Variants in ZFPM2 observed in about 807,000 individuals in gnomAD.
ZFPM2 encodes zinc finger protein ZFPM2.
In ZFPM2, 20 loss-of-function variants were observed where a neutral mutation model predicts 98.6. The observed-to-expected ratio is 0.20, with a 90% CI of 0.14 to 0.29. The LOEUF (loss-of-function observed/expected upper bound fraction) is 0.29. Among genes scored for constraint, ZFPM2 ranks in the 10% least tolerant of loss-of-function variants. ZFPM2 has a pLI of 1.00. For missense variants in ZFPM2, 1,310 were observed against 1,388.6 expected, an observed-to-expected ratio of 0.94 and a Z score of 0.90; for synonymous variants, 518 against 502.7, an observed-to-expected ratio of 1.03 and a Z score of -0.41.
At chr8:105,390,408 G>A (rs574671118) in intron 1 of ZFPM2, among the ~76,000 whole-genome samples, 1 of 152,326 alleles carries the variant, frequency 6.6e-6, no homozygotes, top group South Asian at 2.1e-4. Flanking sequence ...GCAAGGTCTA[G>A]CATGGTTTCG....
At chr8:105,582,113 T>C (rs1200359302) in intron 4 of ZFPM2, among the ~76,000 whole-genome samples, 1 of 152,226 alleles carries the variant, frequency 6.6e-6, no homozygotes, top group African/African-American at 2.4e-5. Context: ...ACTTTATCTT[T>C]CTACTACTTT....
At chr8:105,716,113 G>A (rs1811517547) in intron 5 of ZFPM2, among the ~76,000 whole-genome samples, 2 of 151,100 alleles carry the variant, frequency 1.3e-5, no homozygotes, top group South Asian at 2.1e-4. Flanking sequence ...TTATAGAAAA[G>A]AAAGTTTAGT....
intron 4 of ZFPM2, among the ~76,000 whole-genome samples, chr8:105,576,577 AAGAT>A (rs1038020884): frequency 2.6e-5 from 4 of 152,298 alleles, no homozygotes; most frequent in African/African-American, 9.6e-5. Flanking sequence ...AATACAAAGA[AAGAT>A]AGAAGAAAAG....
At chr8:105,448,771 A>G (rs573568074) in intron 3 of ZFPM2, among the ~76,000 whole-genome samples, 3 of 152,180 alleles carry the variant, frequency 2.0e-5, no homozygotes, top group East Asian at 1.9e-4. Flanking sequence ...TTTGAAAGAG[A>G]TGATATTTAC....
At chr8:105,528,291 T>C (rs1216048499) in intron 3 of ZFPM2, among the ~76,000 whole-genome samples, 1 of 152,132 alleles carries the variant, frequency 6.6e-6, no homozygotes, top group Non-Finnish European at 1.5e-5. Flanking sequence ...ACTTACAGGA[T>C]ATCATAATGT....
In ZFPM2 at chr8:105,369,136, A is replaced by G. The variant is rs147747509; in HGVS notation, c.41-50008A>G. Among the ~76,000 whole-genome samples, 306 of 152,292 alleles carry G rather than the reference A, an allele frequency of 2.0e-3. 1 individual carries two copies. Among genetic ancestry groups the G allele is most frequent in the South Asian group, 0.018 (88 of 4,828 alleles). On this transcript the variant is annotated intron_variant, in intron 1 of 7. Transcript: ENST00000407775. ...GTTATTTCTAGATAACTTTGCTCCT[A>G]CATTTAACTGGCTATGTTTTTCCAT...
At chr8:105,384,233 T>G (rs1251276332) in intron 1 of ZFPM2, among the ~76,000 whole-genome samples, 2 of 152,088 alleles carry the variant, frequency 1.3e-5, no homozygotes, top group Non-Finnish European at 2.9e-5. Flanking sequence ...TCTTGTCTTT[T>G]GAGTTGCACA....
intron 3 of ZFPM2, among the ~76,000 whole-genome samples, chr8:105,481,954 T>C (rs1187614751): frequency 2.6e-5 from 4 of 152,164 alleles, no homozygotes; most frequent in Non-Finnish European, 5.9e-5. Flanking sequence ...GAGTAAATGA[T>C]TTGGGCCTGA....
chr8:105,440,604 A>G (rs921867793), intron 2 of ZFPM2, among the ~76,000 whole-genome samples: 4 of 152,124 alleles, frequency 2.6e-5, no homozygotes, highest in Admixed American at 6.6e-5. Flanking sequence ...TAGGGAAACG[A>G]ACCAGGGATG....
At chr8:105,419,080 A>G in intron 1 of ZFPM2, 64 bp from the exon 2 acceptor site, 1 of 1,525,092 alleles carries the variant, frequency 6.6e-7, no homozygotes, top group Non-Finnish European at 8.9e-7. Context: ...GGCTCTATTT[A>G]AGGATTTTAT....
At chr8:105,668,064 T>C (rs1323592251) in intron 5 of ZFPM2, among the ~76,000 whole-genome samples, 3 of 152,112 alleles carry the variant, frequency 2.0e-5, no homozygotes, top group East Asian at 1.9e-4. Context: ...ACAAATCCCA[T>C]AGGAGGGACT....
chr8:105,716,064 A>G (rs1229447836), intron 5 of ZFPM2, among the ~76,000 whole-genome samples: 2 of 151,856 alleles, frequency 1.3e-5, no homozygotes, highest in African/African-American at 4.8e-5. Flanking sequence ...AGGAAAAAAG[A>G]ATTTTTCTTT....
intron 1 of ZFPM2, among the ~76,000 whole-genome samples, chr8:105,399,727 C>G (rs1811296267): frequency 6.6e-6 from 1 of 151,976 alleles, no homozygotes; most frequent in Non-Finnish European, 1.5e-5. Flanking sequence ...TTTTTGATAG[C>G]TTAATATTCA....
intron 4 of ZFPM2, among the ~76,000 whole-genome samples, chr8:105,595,300 G>A (rs567773867): frequency 1.0e-3 from 158 of 152,082 alleles, no homozygotes; most frequent in Non-Finnish European, 1.7e-3. Flanking sequence ...AGAGAGAAAA[G>A]GGCCCCTATT....
At chr8:105,550,822 T>TA (rs1310086537) in intron 3 of ZFPM2, among the ~76,000 whole-genome samples, 1 of 152,150 alleles carries the variant, frequency 6.6e-6, no homozygotes, top group African/African-American at 2.4e-5. Flanking sequence ...ACCACACAGC[T>TA]GAAGCCTCCA....
intron 1 of ZFPM2, among the ~76,000 whole-genome samples, chr8:105,345,177 C>T (rs755384483): frequency 1.4e-4 from 22 of 152,024 alleles, no homozygotes; most frequent in Admixed American, 2.6e-4. Flanking sequence ...GTATCAAATC[C>T]GGTGAAGCCA....
At chr8:105,754,974 G>A (rs905424373) in intron 5 of ZFPM2, among the ~76,000 whole-genome samples, 11 of 151,566 alleles carry the variant, frequency 7.3e-5, no homozygotes, top group Non-Finnish European at 1.5e-4. Flanking sequence ...GTGTGTGTGT[G>A]TGTGTGTGTG....
intron 1 of ZFPM2, among the ~76,000 whole-genome samples, chr8:105,393,687 C>T (rs908719447): frequency 1.3e-5 from 2 of 151,958 alleles, no homozygotes; most frequent in Non-Finnish European, 2.9e-5. Context: ...AGGAATATTT[C>T]GGTGAGATTT....
chr8:105,384,245 GC>G (rs1287276947), intron 1 of ZFPM2, among the ~76,000 whole-genome samples: 1 of 152,086 alleles, frequency 6.6e-6, no homozygotes, highest in African/African-American at 2.4e-5. Context: ...AGTTGCACAA[GC>G]CAAGACCACA....
Sources: gnomAD v4.1 joint callset for allele counts (sites outside exome capture counted in the v4.1 genomes callset) on GRCh38, gnomAD v4.1.1 for gene constraint, MANE v1.5 for transcripts, NCBI Gene and HGNC (gene_info 2026-07-23, HGNC 2026-07-21) for gene names.